Variants in TRPM3 observed in about 807,000 individuals in gnomAD.
TRPM3 encodes the protein long transient receptor potential channel 3.
A neutral mutation model predicts 181.2 loss-of-function variants in TRPM3; 77 were observed. That is an observed-to-expected ratio of 0.42 (90% confidence interval 0.35 to 0.51). The LOEUF (loss-of-function observed/expected upper bound fraction) is 0.51. Among genes scored for constraint, TRPM3 ranks in the 20% least tolerant of loss-of-function variants. The pLI, the probability that TRPM3 is intolerant of heterozygous loss-of-function variation, is 0.01. For synonymous variants in TRPM3, 745 were observed against 796.4 expected, an observed-to-expected ratio of 0.94 and a Z score of 1.09; for missense variants, 1,759 against 2,196.7, an observed-to-expected ratio of 0.80 and a Z score of 3.98.
At chr9:71,421,631 C>T (rs1220580017) in intron 1 of TRPM3, among the ~76,000 whole-genome samples, 2 of 151,912 alleles carry the variant, frequency 1.3e-5, no homozygotes, top group Non-Finnish European at 2.9e-5. Context: ...ATCATTTTGT[C>T]CTAGTGCAGA....
At chr9:71,232,744 C>T (rs867841960) in intron 1 of TRPM3, among the ~76,000 whole-genome samples, 19 of 152,032 alleles carry the variant, frequency 1.2e-4, no homozygotes, top group South Asian at 4.2e-4. Flanking sequence ...CGTGATCTGC[C>T]GCCTCGGCCT....
chr9:70,633,689 G>A (rs72718995), intron 12 of TRPM3, among the ~76,000 whole-genome samples: 4,012 of 152,272 alleles, frequency 0.026, 72 homozygotes, highest in Non-Finnish European at 0.043. Context: ...GTAGCCCCAA[G>A]GCCTTTGCTT....
At chr9:70,619,285 T>G (rs762079222) in intron 16 of TRPM3, among the ~76,000 whole-genome samples, 190 bp from the exon 17 acceptor site, 2 of 152,056 alleles carry the variant, frequency 1.3e-5, no homozygotes, top group Non-Finnish European at 2.9e-5. Flanking sequence ...ATACCATGTA[T>G]AGAACTGGGG....
At chr9:70,818,624 T>C (rs1042810869) in intron 6 of TRPM3, among the ~76,000 whole-genome samples, 3 of 152,338 alleles carry the variant, frequency 2.0e-5, no homozygotes, top group Admixed American at 6.5e-5. Flanking sequence ...TGCGGCCGAA[T>C]TGGAAATTCT....
chr9:70,973,489 T>C (rs982586392), intron 1 of TRPM3, among the ~76,000 whole-genome samples: 4 of 152,194 alleles, frequency 2.6e-5, no homozygotes, highest in Non-Finnish European at 5.9e-5. Context: ...CATTTGCTTT[T>C]TTTTCTGAGT....
rs1037144362 is a variant in TRPM3 at position 70,556,737 on chromosome 9, CCT to C, written c.3224-3429_3224-3428del. Among the ~76,000 whole-genome samples the C allele has an allele frequency of 6.2e-4, 95 of 152,056 alleles. 6 individuals carry two copies. The highest frequency in any genetic ancestry group is 1.8e-4 in the Non-Finnish European group (12 of 68,018). ...ACCCTGTCTCAAAAACAAAAACCCCCCTCAAAACCCTGACTCTGCCATTTTCA... is the reference window on the plus strand; with the variant it reads ...ACCCTGTCTCAAAAACAAAAACCCCCCAAAACCCTGACTCTGCCATTTTCA... On this transcript the variant is annotated intron_variant, in intron 22 of 25. Transcript: ENST00000677713.
At chr9:70,882,429 C>G (rs1229429162) in intron 1 of TRPM3, among the ~76,000 whole-genome samples, 2 of 152,022 alleles carry the variant, frequency 1.3e-5, no homozygotes, top group Admixed American at 1.3e-4. Flanking sequence ...TTTTGGTTGT[C>G]TTTTTCATTG....
At chr9:71,083,416 T>G (rs777244246) in intron 1 of TRPM3, among the ~76,000 whole-genome samples, 14 of 152,026 alleles carry the variant, frequency 9.2e-5, no homozygotes, top group Non-Finnish European at 1.9e-4. Flanking sequence ...CAAGTCTGAC[T>G]GATTTGAAGC....
intron 1 of TRPM3, among the ~76,000 whole-genome samples, chr9:71,383,731 T>G (rs1165683677): frequency 1.3e-5 from 2 of 152,186 alleles, no homozygotes; most frequent in Admixed American, 1.3e-4. Context: ...AACACATCAA[T>G]CTTACCAAGC....
At chr9:70,639,385 G>A (rs954185913) in intron 10 of TRPM3, among the ~76,000 whole-genome samples, 191 bp from the exon 11 acceptor site, 2 of 152,178 alleles carry the variant, frequency 1.3e-5, no homozygotes, top group African/African-American at 4.8e-5. Flanking sequence ...ATGTTTGGGT[G>A]CCTGTCTTTG....
At position 71,426,006 on chromosome 9, in the gene TRPM3, A is replaced by G. The variant is rs368786566; in HGVS notation, c.183+20647T>C. The stretch of plus-strand genomic sequence containing the variant: ...AGCCTCAATGTAACCTCTTCAGAGA[A>G]GATTTCCCTGACCTCCCTCTAATAT... On this transcript the variant is annotated intron_variant, in intron 1 of 24. Transcript: ENST00000357533. Among the ~76,000 whole-genome samples the G allele has an allele frequency of 5.0e-4, 76 of 152,120 alleles. No homozygotes were observed. In the South Asian group the frequency reaches 0.014, roughly 27 times the overall value.
chr9:71,095,999 G>GT (rs2067124693), intron 1 of TRPM3, among the ~76,000 whole-genome samples: 1 of 152,092 alleles, frequency 6.6e-6, no homozygotes, highest in South Asian at 2.1e-4. Flanking sequence ...TGAGTCTGTG[G>GT]TTTTGTGGAG....
chr9:70,921,754 C>T (rs2133285589), intron 1 of TRPM3, among the ~76,000 whole-genome samples: 1 of 152,204 alleles, frequency 6.6e-6, no homozygotes, highest in South Asian at 2.1e-4. Flanking sequence ...TGAAGCAAGC[C>T]ACCATGTCAC....
chr9:71,004,756 T>C (rs761562186), intron 1 of TRPM3, among the ~76,000 whole-genome samples: 13 of 152,048 alleles, frequency 8.5e-5, no homozygotes, highest in Admixed American at 4.6e-4. Flanking sequence ...ATCCAGAAAC[T>C]AGTGAGCTAT....
chr9:71,304,077 C>T (rs978733154), intron 1 of TRPM3, among the ~76,000 whole-genome samples: 1 of 152,072 alleles, frequency 6.6e-6, no homozygotes, highest in African/African-American at 2.4e-5. Context: ...CAGACACATA[C>T]ATATTGGAGA....
rs2040511784 is a variant in TRPM3, at chr9:70,529,110, A to G, written c.*6843T>C. 1.3e-5 allele frequency: 2 copies of G among 152,152 alleles called. No individual in the cohort carries two copies. Among genetic ancestry groups the G allele is most frequent in the Non-Finnish European group, 2.9e-5 (2 of 68,030 alleles). The allele number at this position is 152,152 out of a possible 1,614,324, so 9.4% of individuals were successfully genotyped here. On this transcript the variant is annotated 3_prime_UTR_variant, in exon 26 of 26. Coordinates refer to ENST00000677713, the MANE Select transcript of TRPM3 (RefSeq NM_001366145.2). ...TTTTTTATTGCAAAACATTTGTTAC[A>G]GAAATTTCAGAAAGTTTTTCCCGTG...
At chr9:70,861,272 A>T (rs1349147091) in intron 3 of TRPM3, among the ~76,000 whole-genome samples, 9 of 152,218 alleles carry the variant, frequency 5.9e-5, no homozygotes, top group Middle Eastern at 3.4e-3. Context: ...GTCGGGAATC[A>T]CTCCCCAAAA....
At chr9:70,906,766 G>C (rs565326548) in intron 1 of TRPM3, among the ~76,000 whole-genome samples, 1 of 152,094 alleles carries the variant, frequency 6.6e-6, no homozygotes, top group Non-Finnish European at 1.5e-5. Flanking sequence ...AGCTGGGCGC[G>C]GTGGCAGGCA....
At position 70,534,089 on chromosome 9, in the gene TRPM3, T is replaced by C. The variant is rs753164121; in HGVS notation, c.*1864A>G. ...ATGAGCCAAATAGGAATCCAAAGATTTGGGGTCAAGATTTCTTTATCCCAC... is the reference window on the plus strand; with the variant it reads ...ATGAGCCAAATAGGAATCCAAAGATCTGGGGTCAAGATTTCTTTATCCCAC... On this transcript the variant is annotated 3_prime_UTR_variant, in exon 26 of 26. Transcript: ENST00000677713. The C allele has an allele frequency of 1.3e-5, 2 of 152,186 alleles. No individual in the cohort carries two copies. Among genetic ancestry groups the C allele is most frequent in the African/African-American group, 4.8e-5 (2 of 41,438 alleles). 9.4% of individuals were successfully genotyped at this position (152,186 alleles called of 1,614,324 possible). A position where few individuals can be genotyped will look rare whatever the true frequency, so the allele number is the denominator to read the frequency against.
Sources: gnomAD v4.1 joint callset for allele counts (sites outside exome capture counted in the v4.1 genomes callset) on GRCh38, gnomAD v4.1.1 for gene constraint, MANE v1.5 for transcripts, NCBI Gene and HGNC (gene_info 2026-07-23, HGNC 2026-07-21) for gene names.